SUGCT: variants seen among roughly 807,000 people sequenced by gnomAD.
SUGCT encodes the protein succinyl-CoA:glutarate-CoA transferase, also known as succinyl-CoA:glutarate CoA-transferase.
A neutral mutation model predicts 55.0 loss-of-function variants in SUGCT; 41 were observed. That is an observed-to-expected ratio of 0.74 (90% CI 0.58 to 0.97). The LOEUF (loss-of-function observed/expected upper bound fraction) is 0.97, where lower values mean the gene tolerates loss of function less well. Ranked by LOEUF, SUGCT falls within the 50% of genes least tolerant of loss-of-function variation. The probability of loss-of-function intolerance (pLI) is 0.00; values close to 1 mark genes in which losing one functional copy is unlikely to be tolerated. For synonymous variants in SUGCT, 187 were observed against 200.4 expected (o/e 0.93, Z 0.56); for missense variants, 568 against 547.8 (o/e 1.04, Z -0.37).
At chr7:40,313,533 C>T (rs1245945706) in intron 8 of SUGCT, among the ~76,000 whole-genome samples, 2 of 152,138 alleles carry the variant, frequency 1.3e-5, no homozygotes, top group East Asian at 3.9e-4. Context: ...CTAAGTTTAG[C>T]CATGTTGCTC....
At chr7:40,834,273 A>T (rs1443134431) in intron 13 of SUGCT, among the ~76,000 whole-genome samples, 1 of 151,890 alleles carries the variant, frequency 6.6e-6, no homozygotes, top group East Asian at 1.9e-4. Context: ...GTGGGTGGGG[A>T]GTAGAGTTTC....
Position 40,735,750 on chromosome 7 carries a change from A to T in SUGCT, c.1090-13684A>T, listed in dbSNP as rs549550391. Among the ~76,000 whole-genome samples, 3 of 152,348 alleles carry T rather than the reference A, an allele frequency of 2.0e-5. No individual in the cohort carries two copies. The South Asian group carries it at 6.2e-4, about 32-fold the overall frequency. On this transcript the variant is annotated intron_variant, in intron 12 of 13. Coordinates refer to ENST00000335693, the MANE Select transcript of SUGCT (RefSeq NM_001193313.2). ...AACAAATTTTAAAACCTGTCATTGA[A>T]GACTGAAGAAAAAAACAGTAGATAT...
intron 5 of SUGCT, among the ~76,000 whole-genome samples, chr7:40,192,893 A>G (rs1270515368): frequency 6.6e-6 from 1 of 151,000 alleles, no homozygotes; most frequent in Non-Finnish European, 1.5e-5. Flanking sequence ...TCAGCCTCCC[A>G]AAGAGCTGGG....
the SUGCT span, among the ~76,000 whole-genome samples, chr7:40,936,634 C>T: frequency 4.0e-3 from 603 of 151,260 alleles, 10 homozygotes; most frequent in Non-Finnish European, 6.3e-3. Flanking sequence ...TTTCTTACTC[C>T]TTGTTTTGTG....
chr7:40,230,738 T>G (rs1030168584), intron 6 of SUGCT, among the ~76,000 whole-genome samples: 1 of 152,188 alleles, frequency 6.6e-6, no homozygotes, highest in African/African-American at 2.4e-5. Flanking sequence ...TCTTAGGGGT[T>G]GTCAGCTTGC....
intron 7 of SUGCT, among the ~76,000 whole-genome samples, chr7:40,241,967 A>G (rs1047071947): frequency 3.3e-5 from 5 of 151,778 alleles, no homozygotes; most frequent in Non-Finnish European, 5.9e-5. Context: ...GGGTAAACTA[A>G]TTACTGTTGA....
chr7:40,513,387 G>A (rs150193298), intron 12 of SUGCT, among the ~76,000 whole-genome samples: 1 of 152,264 alleles, frequency 6.6e-6, no homozygotes, highest in African/African-American at 2.4e-5. Flanking sequence ...ATCTTGGGGA[G>A]CTATATTGAA....
the SUGCT span, among the ~76,000 whole-genome samples, chr7:40,933,680 A>G: frequency 6.6e-6 from 1 of 152,142 alleles, no homozygotes; most frequent in Non-Finnish European, 1.5e-5. Flanking sequence ...TATTTCATTA[A>G]TTAGATCTTC....
chr7:40,487,262 T>G (rs1022291992), intron 11 of SUGCT, among the ~76,000 whole-genome samples: 6 of 136,150 alleles, frequency 4.4e-5, no homozygotes, highest in Non-Finnish European at 7.8e-5. Context: ...TTTTTTTTTT[T>G]TTTTTTTTTT....
intron 13 of SUGCT, among the ~76,000 whole-genome samples, chr7:40,768,512 A>C (rs1266693308): frequency 6.7e-6 from 1 of 149,758 alleles, no homozygotes; most frequent in Non-Finnish European, 1.5e-5. Flanking sequence ...AATGCCAACA[A>C]CCCCTAAATG....
chr7:40,445,087 G>A (rs1477209486), intron 9 of SUGCT, among the ~76,000 whole-genome samples: 1 of 152,074 alleles, frequency 6.6e-6, no homozygotes, highest in Non-Finnish European at 1.5e-5. Context: ...CTTGATCATG[G>A]TGGATAAGCT....
chr7:41,024,436 T>A, the SUGCT span, among the ~76,000 whole-genome samples: 1 of 152,160 alleles, frequency 6.6e-6, no homozygotes, highest in African/African-American at 2.4e-5. Flanking sequence ...AAGAAACTTG[T>A]TACACTCTTA....
the SUGCT span, among the ~76,000 whole-genome samples, chr7:40,950,460 C>A: frequency 6.6e-6 from 1 of 152,134 alleles, no homozygotes; most frequent in Admixed American, 6.5e-5. Context: ...CTTTCTCCTG[C>A]CTGATTACCC....
the SUGCT span, among the ~76,000 whole-genome samples, chr7:40,871,288 A>G: frequency 2.6e-5 from 4 of 152,188 alleles, no homozygotes; most frequent in African/African-American, 7.2e-5. Context: ...TCTTCCTTTT[A>G]TGCTCTTGGA....
chr7:40,314,551 C>A lies in SUGCT; in HGVS notation c.721-2209C>A, dbSNP rs1795322338. On this transcript the variant is annotated intron_variant, in intron 8 of 13. Transcript: ENST00000335693. ...CAAGGGAAATAACTCCTATTGCATC[C>A]CTTGTGTCTTTTTTTTTTTTTTTTT... Among the ~76,000 whole-genome samples, 3 of 132,034 alleles carry A rather than the reference C, an allele frequency of 2.3e-5. No individual in the cohort carries two copies. The South Asian group carries it at 7.9e-4, about 35-fold the overall frequency. The allele number at this position is 132,034 out of a possible 152,430, so 86.6% of individuals were successfully genotyped here.
chr7:40,524,368 T>C (rs1014700100), intron 12 of SUGCT, among the ~76,000 whole-genome samples: 1 of 152,126 alleles, frequency 6.6e-6, no homozygotes, highest in African/African-American at 2.4e-5. Flanking sequence ...ACATCTTGTG[T>C]TTGCTAGGAC....
chr7:40,984,361 C>T, the SUGCT span, among the ~76,000 whole-genome samples: 1 of 151,974 alleles, frequency 6.6e-6, no homozygotes, highest in Non-Finnish European at 1.5e-5. Flanking sequence ...CTGCAACCCT[C>T]TAAAAAAGAT....
chr7:40,886,849 G>A, the SUGCT span, among the ~76,000 whole-genome samples: 2 of 152,306 alleles, frequency 1.3e-5, no homozygotes, highest in East Asian at 1.9e-4. Context: ...GGAAGGACAG[G>A]CCCAGAAAAG....
At chr7:40,396,545 A>G (rs774401949) in intron 9 of SUGCT, among the ~76,000 whole-genome samples, 15 of 152,190 alleles carry the variant, frequency 9.9e-5, no homozygotes, top group Non-Finnish European at 2.1e-4. Flanking sequence ...TTCACTTATT[A>G]CATTTTTGCC....
Sources: gnomAD v4.1 joint callset for allele counts (sites outside exome capture counted in the v4.1 genomes callset) on GRCh38, gnomAD v4.1.1 for gene constraint, MANE v1.5 for transcripts, NCBI Gene and HGNC (gene_info 2026-07-23, HGNC 2026-07-21) for gene names.